The following EIF5 variants were observed in gnomAD, a reference collection of about 807,000 sequenced individuals.
EIF5 encodes eukaryotic translation initiation factor 5.
EIF5 carries 10 observed loss-of-function variants against 48.3 expected under a neutral mutation model. The ratio of observed to expected loss-of-function variants is 0.21; its 90% CI spans 0.13 to 0.35. EIF5 has a LOEUF of 0.35. Among genes scored for constraint, EIF5 ranks in the 10% least tolerant of loss-of-function variants. The probability of loss-of-function intolerance (pLI) is 1.00; values close to 1 mark genes in which losing one functional copy is unlikely to be tolerated. For missense variants in EIF5, 397 were observed against 533.2 expected, an observed-to-expected ratio of 0.74 and a Z score of 2.51; for synonymous variants, 237 against 173.1, an observed-to-expected ratio of 1.37 and a Z score of -2.90.
chr14:103,336,646 A>C, intron 4 of EIF5, 31 bp from the exon 5 acceptor site: 1 of 1,577,474 alleles, frequency 6.3e-7, no homozygotes, highest in African/African-American at 1.4e-5. Flanking sequence ...AGTTAACTGT[A>C]ACGATCCAAA....
In EIF5 at chr14:103,336,815, T is replaced by G. The variant is rs2089292289; in HGVS notation, c.293T>G (p.Leu98Arg). ...GATGGATTCATTAAAAAATTTGTTC[T>G]CTGTCCTGAATGTGAGAATCCTGAA... ...MLDGFIKKFV[L>R]CPECENPETD... The change falls in exon 5 of 12, where the codon CTC (leucine) becomes CGC (arginine). Residue 98 changes from leucine (L) to arginine (R), a missense_variant. By Grantham distance (102) the Leu-to-Arg change is moderately radical. This residue lies in a region of EIF5 where 108 missense variants were observed against 188.3 expected (regional missense o/e 0.57). Coordinates refer to ENST00000216554, the MANE Select transcript of EIF5 (RefSeq NM_001969.5). 6.2e-7 allele frequency: 1 copy of G among 1,613,896 alleles called. No individual in the cohort carries two copies. Among genetic ancestry groups the G allele is most frequent in the Non-Finnish European group, 8.5e-7 (1 of 1,179,990 alleles).
Position 103,341,254 on chromosome 14 carries a change from A to T in EIF5, c.*202A>T, listed in dbSNP as rs977831174. On this transcript the variant is annotated 3_prime_UTR_variant, in exon 12 of 12. Coordinates refer to ENST00000216554, the MANE Select transcript of EIF5 (RefSeq NM_001969.5). ...TCCATACACATCAGTGAGCAGATGTAGTTTGCTTATTTATAGCATGTTTCT... is the reference window on the plus strand; with the variant it reads ...TCCATACACATCAGTGAGCAGATGTTGTTTGCTTATTTATAGCATGTTTCT... 2.0e-4 allele frequency: 103 copies of T among 507,172 alleles called. No individual in the cohort carries two copies. The highest frequency in any genetic ancestry group is 2.5e-4 in the East Asian group (8 of 32,100). The allele number at this position is 507,172 out of a possible 1,614,324, so 31.4% of individuals were successfully genotyped here.
In EIF5 at chr14:103,341,111, C is replaced by T. The variant is rs2089348200; in HGVS notation, c.*59C>T. On this transcript the variant is annotated 3_prime_UTR_variant, in exon 12 of 12. Transcript: ENST00000216554. ...GCTGCAAATTTTCCTCCATTATCAGCCAGAAGTGCAACATGTATGTGCAAA... is the reference window on the plus strand; with the variant it reads ...GCTGCAAATTTTCCTCCATTATCAGTCAGAAGTGCAACATGTATGTGCAAA... The T allele has an allele frequency of 6.6e-7, 1 of 1,504,362 alleles. No individual in the cohort carries two copies. The highest frequency in any genetic ancestry group is 1.7e-5 in the Admixed American group (1 of 59,554). The allele number at this position is 1,504,362 out of a possible 1,614,324, so 93.2% of individuals were successfully genotyped here.
In EIF5 at chr14:103,341,968, AT is replaced by A. The variant is rs2089357940; in HGVS notation, c.*917del. ...TTAGGGTTTAAATTACAATTCCAAAATGTTAGACATACTGTATTTTTTCGTT... is the reference window on the plus strand; with the variant it reads ...TTAGGGTTTAAATTACAATTCCAAAAGTTAGACATACTGTATTTTTTCGTT... On this transcript the variant is annotated 3_prime_UTR_variant, in exon 12 of 12. Coordinates refer to ENST00000216554, the MANE Select transcript of EIF5 (RefSeq NM_001969.5). The A allele has an allele frequency of 6.6e-6, 1 of 152,476 alleles. No homozygotes were observed. Among genetic ancestry groups the A allele is most frequent in the African/African-American group, 2.4e-5 (1 of 41,438 alleles). The allele number at this position is 152,476 out of a possible 1,614,324, so 9.4% of individuals were successfully genotyped here. A position where few individuals can be genotyped will look rare whatever the true frequency, so the allele number is the denominator to read the frequency against.
chr14:103,336,892 G>A (rs2089293276), intron 5 of EIF5, 43 bp downstream of exon 5: 1 of 1,573,942 alleles, frequency 6.4e-7, no homozygotes, highest in Non-Finnish European at 8.6e-7. Context: ...CCATATACCT[G>A]CTTCTGTGAT....
At chr14:103,336,218 T>C (rs2089283813) in intron 4 of EIF5, 101 bp downstream of exon 4, 1 of 1,189,766 alleles carries the variant, frequency 8.4e-7, no homozygotes, top group African/African-American at 1.6e-5. Flanking sequence ...GCTAATTACC[T>C]TACAAGTTAA....
rs371198700 is a variant in EIF5 at position 103,339,692 on chromosome 14, T to C, written c.960T>C (p.Cys320=). ...GGTACCTTCTTCATGGTTTGGAGTG[T>C]GTGGTAGCAATGCATCAAGCTCAGC... ...AQRYLLHGLE[C]VVAMHQAQLI... Residue 320 remains cysteine (C), a synonymous_variant, in exon 10 of 12, where the codon TGT becomes TGC. Transcript: ENST00000216554. The C allele has an allele frequency of 5.0e-6, 8 of 1,614,114 alleles. No homozygotes were observed. Among genetic ancestry groups the C allele is most frequent in the African/African-American group, 2.7e-5 (2 of 74,932 alleles).
In EIF5 at chr14:103,339,421, A is replaced by T. The variant is rs1279401753; in HGVS notation, c.906+88A>T. ...ATTAACCACTTTTGCTTGTCCTGTCATGCTTGAAAGTGGGGAAATTGACCC... is the reference window on the plus strand; with the variant it reads ...ATTAACCACTTTTGCTTGTCCTGTCTTGCTTGAAAGTGGGGAAATTGACCC... On this transcript the variant is annotated intron_variant, in intron 9 of 11. Transcript: ENST00000216554. The T allele has an allele frequency of 2.0e-6, 3 of 1,509,788 alleles. No individual in the cohort carries two copies. In the East Asian group the frequency reaches 6.8e-5, roughly 34 times the overall value. 93.5% of individuals were successfully genotyped at this position (1,509,788 alleles called of 1,614,324 possible).
chr14:103,338,407 T>G lies in EIF5; in HGVS notation c.520T>G (p.Ser174Ala), dbSNP rs377662996. The change falls in exon 7 of 12, where the codon TCC becomes GCC. Residue 174 changes from serine to alanine, a missense_variant. Physicochemically the swap from Ser to Ala is moderately conservative, Grantham distance 99. Around this residue, in one of 4 missense-constraint regions of EIF5, gnomAD observed 126 missense variants for 141.9 expected, o/e 0.89. Coordinates refer to ENST00000216554, the MANE Select transcript of EIF5 (RefSeq NM_001969.5). ...KGKDKENGSV[S>A]SSETPPPPPP... ...CAAAGACAAGGAAAATGGCTCCGTA[T>G]CCAGCAGTGAGACACCACCACCACC... 8 of 1,607,664 alleles carry G rather than the reference T, an allele frequency of 5.0e-6. No individual in the cohort carries two copies. Among genetic ancestry groups the G allele is most frequent in the Non-Finnish European group, 6.8e-6 (8 of 1,176,578 alleles).
chr14:103,337,684 A>G (rs1249300496), intron 6 of EIF5: 1 of 373,726 alleles, frequency 2.7e-6, no homozygotes, highest in African/African-American at 2.1e-5. Flanking sequence ...GTTAATTACC[A>G]TTAAAGGTGA....
In EIF5 at chr14:103,344,385, G is replaced by A. The variant is rs1216997209; in HGVS notation, c.*3333G>A. 2 of 152,182 alleles carry A rather than the reference G, an allele frequency of 1.3e-5. No homozygotes were observed. Among genetic ancestry groups the A allele is most frequent in the African/African-American group, 4.8e-5 (2 of 41,436 alleles). The allele number at this position is 152,182 out of a possible 1,614,324, so 9.4% of individuals were successfully genotyped here. On this transcript the variant is annotated 3_prime_UTR_variant, in exon 12 of 12. Coordinates refer to ENST00000216554, the MANE Select transcript of EIF5 (RefSeq NM_001969.5). ...CTTTTCTTGGGACCTAGACTGGGAG[G>A]TGCAATGTCAGGACCTCCAGGTGAA...
At chr14:103,336,442 G>C (rs188293711) in intron 4 of EIF5, 1 of 559,856 alleles carries the variant, frequency 1.8e-6, no homozygotes, top group East Asian at 3.1e-5. Context: ...TTAGCCAGGC[G>C]TGGTGGCATG....
Position 103,335,854 on chromosome 14 carries a change from A to G in EIF5, c.-7A>G, listed in dbSNP as rs1400776227. The G allele has an allele frequency of 6.2e-7, 1 of 1,614,180 alleles. No homozygotes were observed. Among genetic ancestry groups the G allele is most frequent in the Non-Finnish European group, 8.5e-7 (1 of 1,180,010 alleles). On this transcript the variant is annotated 5_prime_UTR_variant, in exon 3 of 12. Coordinates refer to ENST00000216554, the MANE Select transcript of EIF5 (RefSeq NM_001969.5). ...CATCTTATTGATAAAGCCACTAATAAGCCAAAATGTCTGTCAATGTCAACC... is the reference window on the plus strand; with the variant it reads ...CATCTTATTGATAAAGCCACTAATAGGCCAAAATGTCTGTCAATGTCAACC...
intron 6 of EIF5, chr14:103,337,878 C>T (rs1255881990): frequency 1.9e-6 from 1 of 520,736 alleles, no homozygotes; most frequent in South Asian, 1.4e-5. Context: ...ATGATCAAAA[C>T]TGTCTGACAC....
Position 103,337,170 on chromosome 14 carries a change from C to T in EIF5, c.382C>T (p.Arg128Ter), listed in dbSNP as rs184250068. 1 of 1,613,440 alleles carries T rather than the reference C, an allele frequency of 6.2e-7. No individual in the cohort carries two copies. The highest frequency in any genetic ancestry group is 8.5e-7 in the Non-Finnish European group (1 of 1,179,874). Reference sequence around the variant, plus strand: ...TAATTCTTGTAAAGCCTGTGGCTATCGAGGCATGCTTGACACACATCATAA... The same window carrying T: ...TAATTCTTGTAAAGCCTGTGGCTATTGAGGCATGCTTGACACACATCATAA... ...IGNSCKACGY[R>*]GMLDTHHKLC... is the part of the protein sequence containing the mutation. The change falls in exon 6 of 12, where the codon CGA (arginine) becomes TGA (stop). Residue 128 changes from arginine (R) to a stop codon, truncating the protein, a stop_gained. Coordinates refer to ENST00000216554, the MANE Select transcript of EIF5 (RefSeq NM_001969.5). LOFTEE classifies it high-confidence loss of function.
chr14:103,336,582 A>AG, intron 4 of EIF5, 95 bp from the exon 5 acceptor site: 1 of 166,034 alleles, frequency 6.0e-6, no homozygotes. Context: ...CTCTTGTCTC[A>AG]AAAAAAAAAA....
intron 5 of EIF5, 128 bp from the exon 6 acceptor site, chr14:103,336,987 CT>C (rs1360169950): frequency 3.6e-5 from 50 of 1,371,960 alleles, no homozygotes; most frequent in Non-Finnish European, 4.2e-5. Context: ...TATTTCCATT[CT>C]TTTTTTTAAA....
At chr14:103,339,891 T>C (rs1566722900) in intron 10 of EIF5, 88 bp downstream of exon 10, 9 of 1,430,952 alleles carry the variant, frequency 6.3e-6, no homozygotes, top group East Asian at 4.9e-5. Context: ...CGGAGTCTCA[T>C]TCTGTTGTCC....
In EIF5 at chr14:103,339,306, T is replaced by G. The variant is rs1324084790; in HGVS notation, c.879T>G (p.Ile293Met). Residue 293 changes from isoleucine (I) to methionine (M), a missense_variant, in exon 9 of 12, where the codon ATT (isoleucine) becomes ATG (methionine). Coordinates refer to ENST00000216554, the MANE Select transcript of EIF5 (RefSeq NM_001969.5). ...VLFNEKIREQ[I>M]KKYRRHFLRF... is the part of the protein sequence containing the mutation. ...TTAATGAGAAGATTAGAGAACAGAT[T>G]AAGAAATACAGGCGCCATTTCCTAC... The G allele has an allele frequency of 6.3e-7, 1 of 1,599,748 alleles. No homozygotes were observed. The highest frequency in any genetic ancestry group is 2.2e-5 in the East Asian group (1 of 44,836).
Sources: allele counts gnomAD v4.1 joint callset, GRCh38; gene constraint gnomAD v4.1.1; regional missense constraint gnomAD v4.1.1; transcripts MANE v1.5; gene names NCBI Gene and HGNC (gene_info 2026-07-23, HGNC 2026-07-21).